Variants in C3orf52 observed in about 807,000 individuals in gnomAD.
The protein encoded by C3orf52 is chromosome 3 open reading frame 52, also known as TPA-induced transmembrane protein.
C3orf52 carries 22 observed loss-of-function variants against 24.8 expected under a neutral mutation model. That is an observed-to-expected ratio of 0.89 (90% CI 0.63 to 1.27). The LOEUF is 1.27. Ranked by LOEUF, C3orf52 falls within the 50% of genes most tolerant of loss-of-function variation. The pLI is 0.00. For synonymous variants in C3orf52, 93 were observed against 100.2 expected, an observed-to-expected ratio of 0.93 and a Z score of 0.43; for missense variants, 265 against 260.7, an observed-to-expected ratio of 1.02 and a Z score of -0.11.
intron 4 of C3orf52, among the ~76,000 whole-genome samples, chr3:112,111,172 G>C (rs1379376229): frequency 1.3e-5 from 2 of 152,234 alleles, no homozygotes; most frequent in African/African-American, 4.8e-5. Flanking sequence ...TCGCACCATT[G>C]CACTCCAGCC....
chr3:112,110,773 A>G (rs1219630959), intron 4 of C3orf52, among the ~76,000 whole-genome samples: 1 of 152,216 alleles, frequency 6.6e-6, no homozygotes, highest in Admixed American at 6.5e-5. Context: ...CCTTCAAACT[A>G]TAAGTTCTCC....
chr3:112,130,871 G>A (rs60341409), downstream of C3orf52: 2,464 of 289,272 alleles, frequency 8.5e-3, 64 homozygotes, highest in African/African-American at 0.048. Context: ...GCAGTTCCAG[G>A]AGCTATGCAC....
rs749907862 is a variant in C3orf52 at position 112,112,827 on chromosome 3, C to T, written c.468-137C>T. On this transcript the variant is annotated intron_variant, in intron 4 of 5. Coordinates refer to ENST00000264848, the MANE Select transcript of C3orf52 (RefSeq NM_024616.3). Reference sequence around the variant, plus strand: ...GATTCTTATAGGACAGTATGTTCTTCCAGGACAGAACATTCTTTGCTATTT... The same window carrying T: ...GATTCTTATAGGACAGTATGTTCTTTCAGGACAGAACATTCTTTGCTATTT... 2.2e-5 allele frequency: 17 copies of T among 776,638 alleles called. No individual in the cohort carries two copies. In the Admixed American group the frequency reaches 2.6e-4, roughly 12 times the overall value. 48.1% of individuals were successfully genotyped at this position (776,638 alleles called of 1,614,324 possible).
At chr3:112,089,354 C>T (rs1044843864) in intron 1 of C3orf52, among the ~76,000 whole-genome samples, 4 of 151,130 alleles carry the variant, frequency 2.6e-5, no homozygotes, top group Non-Finnish European at 4.4e-5. Context: ...GGAGAAACCC[C>T]GTCTCTACTA....
intron 4 of C3orf52, among the ~76,000 whole-genome samples, chr3:112,125,537 C>T (rs1464182047): frequency 6.6e-6 from 1 of 152,226 alleles, no homozygotes; most frequent in Non-Finnish European, 1.5e-5. Flanking sequence ...TCCCTCCTTA[C>T]CTAGCCCCGT....
At chr3:112,110,937 A>G (rs2074074567) in intron 4 of C3orf52, among the ~76,000 whole-genome samples, 1 of 152,212 alleles carries the variant, frequency 6.6e-6, no homozygotes, top group Non-Finnish European at 1.5e-5. Flanking sequence ...TGGGCTGGGC[A>G]TGGTGGCTTA....
intron 1 of C3orf52, among the ~76,000 whole-genome samples, chr3:112,086,832 C>A (rs1360251759): frequency 6.6e-6 from 1 of 152,214 alleles, no homozygotes; most frequent in African/African-American, 2.4e-5. Context: ...AGAGGTATTC[C>A]GGAGATGGAA....
chr3:112,096,191 G>A (rs1432897703), intron 2 of C3orf52, among the ~76,000 whole-genome samples: 2 of 152,190 alleles, frequency 1.3e-5, no homozygotes, highest in South Asian at 2.1e-4. Flanking sequence ...CAGTAGGCAG[G>A]TCTTTGCAAA....
chr3:112,119,078 C>G (rs1178890019), downstream of C3orf52, among the ~76,000 whole-genome samples: 3 of 152,060 alleles, frequency 2.0e-5, no homozygotes, highest in African/African-American at 7.2e-5. Flanking sequence ...GAAAAAAATA[C>G]CCAGGGGTCA....
At chr3:112,114,599 G>A (rs1251046166) in intron 5 of C3orf52, among the ~76,000 whole-genome samples, 1 of 152,078 alleles carries the variant, frequency 6.6e-6, no homozygotes, top group African/African-American at 2.4e-5. Flanking sequence ...AGCTACTCGG[G>A]AGACTGAGGC....
chr3:112,093,260 T>C (rs1033293119), intron 1 of C3orf52, 100 bp from the exon 2 acceptor site: 6 of 1,274,564 alleles, frequency 4.7e-6, no homozygotes, highest in Middle Eastern at 1.9e-4. Flanking sequence ...AAGGTCAGGG[T>C]CTTGCTGCCT....
At chr3:112,086,732 C>A (rs1341836460) in intron 1 of C3orf52, among the ~76,000 whole-genome samples, 187 bp downstream of exon 1, 1 of 152,158 alleles carries the variant, frequency 6.6e-6, no homozygotes, top group African/African-American at 2.4e-5. Context: ...CGAGCAGTCC[C>A]CTCCCCAGCC....
intron 2 of C3orf52, among the ~76,000 whole-genome samples, chr3:112,096,262 C>T (rs1416461685): frequency 6.6e-6 from 1 of 152,164 alleles, no homozygotes; most frequent in Non-Finnish European, 1.5e-5. Context: ...TCCAGTTACT[C>T]AGAAAGAAAC....
At chr3:112,133,177 G>A, downstream of C3orf52, 3 of 1,594,240 alleles carry the variant, frequency 1.9e-6, no homozygotes, top group Non-Finnish European at 2.6e-6. Flanking sequence ...TTCTTGCCTT[G>A]TGCTCTGACA....
intron 4 of C3orf52, chr3:112,123,408 C>T (rs1295593133): frequency 1.3e-6 from 2 of 1,582,198 alleles, no homozygotes; most frequent in Non-Finnish European, 1.7e-6. Flanking sequence ...TCCCCCATCC[C>T]ACCTTTTATT....
chr3:112,118,888 AT>A (rs2074163563), downstream of C3orf52, among the ~76,000 whole-genome samples: 1 of 152,262 alleles, frequency 6.6e-6, no homozygotes, highest in Admixed American at 6.5e-5. Context: ...GCCAACAAAA[AT>A]TCCAGCCATG....
chr3:112,120,261 A>G (rs2074175014), downstream of C3orf52, among the ~76,000 whole-genome samples: 1 of 152,220 alleles, frequency 6.6e-6, no homozygotes, highest in Non-Finnish European at 1.5e-5. Context: ...AAGTGGAAAC[A>G]GAATCTACTT....
At chr3:112,118,278 T>A (rs1375320109), downstream of C3orf52, 2 of 152,180 alleles carry the variant, frequency 1.3e-5, no homozygotes, top group Non-Finnish European at 2.9e-5. Flanking sequence ...CAGTAAATGG[T>A]GTTGAGCATA....
intron 4 of C3orf52, among the ~76,000 whole-genome samples, chr3:112,126,583 C>T (rs2074325394): frequency 6.6e-6 from 1 of 152,200 alleles, no homozygotes; most frequent in Non-Finnish European, 1.5e-5. Context: ...TTGCCCCCGC[C>T]TCCCCACTGT....
Sources: gnomAD v4.1 joint callset for allele counts (sites outside exome capture counted in the v4.1 genomes callset) on GRCh38, gnomAD v4.1.1 for gene constraint, MANE v1.5 for transcripts, NCBI Gene and HGNC (gene_info 2026-07-23, HGNC 2026-07-21) for gene names.